ASIC2: variants seen among roughly 807,000 people sequenced by gnomAD.
The protein encoded by ASIC2 is acid sensing ion channel subunit 2, also known as acid-sensing ion channel 2.
ASIC2 carries 25 observed loss-of-function variants against 57.3 expected under a neutral mutation model. The ratio of observed to expected loss-of-function variants is 0.44; its 90% CI spans 0.32 to 0.61. The LOEUF (loss-of-function observed/expected upper bound fraction) is 0.61, where lower values mean the gene tolerates loss of function less well. ASIC2 is among the 20% of genes least tolerant of loss of function. ASIC2 has a pLI of 0.06. For missense variants in ASIC2, 641 were observed against 738.1 expected (o/e 0.87, Z 1.52); for synonymous variants, 319 against 307.5 (o/e 1.04, Z -0.39).
At chr17:33,300,085 AGT>A (rs1274935620) in intron 1 of ASIC2, among the ~76,000 whole-genome samples, 7 of 152,306 alleles carry the variant, frequency 4.6e-5, no homozygotes, top group African/African-American at 1.7e-4. Flanking sequence ...AACACAAAAG[AGT>A]ATCTAGTAAA....
In ASIC2 at chr17:33,013,835, G is replaced by T. The variant is rs2091791590; in HGVS notation, c.*130C>A. On this transcript the variant is annotated 3_prime_UTR_variant, in exon 10 of 10. Coordinates refer to ENST00000225823, the MANE Select transcript of ASIC2 (RefSeq NM_183377.2). ...GGAGCGAGGTCTAGGCAGCTAGTCT[G>T]CAATGTGTGCATAGGGGGCTCTTGC... The T allele has an allele frequency of 2.5e-6, 2 of 800,164 alleles. No homozygotes were observed. The highest frequency in any genetic ancestry group is 5.3e-5 in the East Asian group (2 of 37,474). 49.6% of individuals were successfully genotyped at this position (800,164 alleles called of 1,614,324 possible).
intron 1 of ASIC2, among the ~76,000 whole-genome samples, chr17:33,699,642 C>T (rs1908636455): frequency 6.6e-6 from 1 of 152,194 alleles, no homozygotes; most frequent in East Asian, 1.9e-4. Context: ...GCAGCAGAGA[C>T]ATCACAGATT....
chr17:33,806,251 G>T (rs903201092), intron 1 of ASIC2, among the ~76,000 whole-genome samples: 4 of 152,224 alleles, frequency 2.6e-5, no homozygotes, highest in Non-Finnish European at 5.9e-5. Context: ...AACAAAAACA[G>T]ACACAGACAG....
chr17:33,629,190 G>T (rs1272169917), intron 1 of ASIC2, among the ~76,000 whole-genome samples: 1 of 152,194 alleles, frequency 6.6e-6, no homozygotes, highest in Non-Finnish European at 1.5e-5. Flanking sequence ...TGTAGCCAGA[G>T]AATGCTCACC....
intron 1 of ASIC2, among the ~76,000 whole-genome samples, chr17:33,410,715 G>T (rs1230369362): frequency 1.3e-5 from 2 of 152,162 alleles, no homozygotes; most frequent in Non-Finnish European, 2.9e-5. Flanking sequence ...CCCTAAGTTG[G>T]GTGCCCTCAA....
chr17:33,251,629 A>C (rs1339655808), intron 1 of ASIC2, among the ~76,000 whole-genome samples: 1 of 152,208 alleles, frequency 6.6e-6, no homozygotes, highest in African/African-American at 2.4e-5. Context: ...CACTGGCCTC[A>C]GGTACCATCT....
chr17:33,701,715 C>G (rs1204236764), intron 1 of ASIC2, among the ~76,000 whole-genome samples: 1 of 152,202 alleles, frequency 6.6e-6, no homozygotes, highest in Non-Finnish European at 1.5e-5. Flanking sequence ...TTCATTCTTA[C>G]CCACTTGATC....
intron 1 of ASIC2, among the ~76,000 whole-genome samples, chr17:33,921,573 G>A (rs1915709500): frequency 6.6e-6 from 1 of 152,122 alleles, no homozygotes; most frequent in Non-Finnish European, 1.5e-5. Context: ...GGGCAGGACT[G>A]GGGCAGAGGA....
At chr17:33,793,748 T>C (rs1286836412) in intron 1 of ASIC2, 3 of 152,210 alleles carry the variant, frequency 2.0e-5, no homozygotes, top group African/African-American at 2.4e-5. Flanking sequence ...TCTGCTTTCA[T>C]TGAATGCTTC....
chr17:33,434,671 C>G (rs1277048110), intron 1 of ASIC2, among the ~76,000 whole-genome samples: 1 of 152,132 alleles, frequency 6.6e-6, no homozygotes, highest in Non-Finnish European at 1.5e-5. Flanking sequence ...AGACAATGAG[C>G]ACTTCTTGAG....
chr17:33,182,077 G>C (rs12600443), intron 1 of ASIC2, among the ~76,000 whole-genome samples: 1,692 of 152,294 alleles, frequency 0.011, 21 homozygotes, highest in African/African-American at 0.027. Context: ...GTGACAAGTA[G>C]GTTGAGAACT....
intron 1 of ASIC2, among the ~76,000 whole-genome samples, chr17:33,423,896 T>G (rs990558528): frequency 2.6e-5 from 4 of 152,028 alleles, no homozygotes; most frequent in African/African-American, 9.7e-5. Context: ...CTTAGAGGAC[T>G]TCCTCAGAAA....
At chr17:33,357,486 A>T (rs555097920) in intron 1 of ASIC2, among the ~76,000 whole-genome samples, 8 of 152,268 alleles carry the variant, frequency 5.3e-5, no homozygotes, top group African/African-American at 1.9e-4. Flanking sequence ...TGGGACCACT[A>T]TCTAGGCACC....
intron 1 of ASIC2, among the ~76,000 whole-genome samples, chr17:33,163,535 T>C (rs898056975): frequency 2.6e-5 from 4 of 152,056 alleles, no homozygotes; most frequent in African/African-American, 7.3e-5. Flanking sequence ...CATTAGGCAC[T>C]CGTGTGTGCC....
chr17:33,198,552 C>T (rs888305872), intron 1 of ASIC2, among the ~76,000 whole-genome samples: 6 of 152,232 alleles, frequency 3.9e-5, no homozygotes, highest in African/African-American at 1.2e-4. Flanking sequence ...TGTCCTGCCA[C>T]CCTGCACATG....
chr17:33,628,583 G>A (rs973655989), intron 1 of ASIC2, among the ~76,000 whole-genome samples: 4 of 151,962 alleles, frequency 2.6e-5, no homozygotes, highest in African/African-American at 7.3e-5. Flanking sequence ...GGTGTGAGCC[G>A]CCTCGCCAAC....
At chr17:33,738,195 C>G (rs907815380) in intron 1 of ASIC2, among the ~76,000 whole-genome samples, 3 of 152,136 alleles carry the variant, frequency 2.0e-5, no homozygotes, top group Middle Eastern at 6.3e-3. Context: ...ACATCTGGTC[C>G]ATATTGCCAC....
intron 1 of ASIC2, among the ~76,000 whole-genome samples, chr17:33,717,295 A>G (rs1909253047): frequency 6.6e-6 from 1 of 152,250 alleles, no homozygotes; most frequent in Admixed American, 6.5e-5. Flanking sequence ...GGAAAAAAAT[A>G]GTTTTCTTCC....
chr17:33,687,651 A>T (rs921549040), intron 1 of ASIC2, among the ~76,000 whole-genome samples: 3 of 152,178 alleles, frequency 2.0e-5, no homozygotes, highest in Non-Finnish European at 4.4e-5. Flanking sequence ...GTGCCAAAAG[A>T]TGAATCCAGA....
Sources: gnomAD v4.1 joint callset for allele counts (sites outside exome capture counted in the v4.1 genomes callset) on GRCh38, gnomAD v4.1.1 for gene constraint, MANE v1.5 for transcripts, NCBI Gene and HGNC (gene_info 2026-07-23, HGNC 2026-07-21) for gene names.